The following PHF21B variants were observed in gnomAD, a reference collection of about 807,000 sequenced individuals.
PHF21B encodes PHD finger protein 4.
PHF21B carries 22 observed loss-of-function variants against 62.2 expected under a neutral mutation model. The observed-to-expected ratio is 0.35, with a 90% CI of 0.25 to 0.51. The LOEUF is 0.51. Among genes scored for constraint, PHF21B ranks in the 20% least tolerant of loss-of-function variants. The pLI is 0.97. For missense variants in PHF21B, 701 were observed against 707.9 expected, an observed-to-expected ratio of 0.99 and a Z score of 0.11; for synonymous variants, 341 against 314.7, an observed-to-expected ratio of 1.08 and a Z score of -0.88.
intron 2 of PHF21B, among the ~76,000 whole-genome samples, chr22:44,990,414 C>T (rs914213522): frequency 9.0e-6 from 1 of 111,404 alleles, no homozygotes; most frequent in Non-Finnish European, 1.9e-5. Flanking sequence ...GCAAGGCAAA[C>T]GTGCATTGAC....
intron 2 of PHF21B, among the ~76,000 whole-genome samples, chr22:44,974,410 A>T (rs1322996714): frequency 5.1e-5 from 6 of 117,936 alleles, no homozygotes; most frequent in African/African-American, 1.6e-4. Context: ...ACCCTGTCTT[A>T]AAAAAAAAAA....
intron 5 of PHF21B, among the ~76,000 whole-genome samples, chr22:44,901,347 G>C (rs748485440): frequency 6.6e-6 from 1 of 152,164 alleles, no homozygotes; most frequent in Non-Finnish European, 1.5e-5. Flanking sequence ...TCTCCTCCCC[G>C]AGTCCCCTCC....
At chr22:44,968,014 G>T (rs868632929) in intron 2 of PHF21B, among the ~76,000 whole-genome samples, 2 of 152,168 alleles carry the variant, frequency 1.3e-5, no homozygotes, top group African/African-American at 4.8e-5. Context: ...AGCGCATCTT[G>T]TCGACCTGGC....
intron 2 of PHF21B, among the ~76,000 whole-genome samples, chr22:44,969,719 G>A (rs1303586086): frequency 6.6e-6 from 1 of 152,136 alleles, no homozygotes; most frequent in East Asian, 1.9e-4. Flanking sequence ...TTGCAGATGA[G>A]GTGCGTGAAA....
intron 5 of PHF21B, among the ~76,000 whole-genome samples, chr22:44,903,917 A>G (rs746388574): frequency 1.1e-4 from 17 of 152,178 alleles, no homozygotes; most frequent in Non-Finnish European, 2.4e-4. Flanking sequence ...TAAAAGTAGG[A>G]AGATTTCATT....
At chr22:44,952,652 T>C (rs1389548344) in intron 2 of PHF21B, among the ~76,000 whole-genome samples, 1 of 152,236 alleles carries the variant, frequency 6.6e-6, no homozygotes, top group Admixed American at 6.5e-5. Flanking sequence ...TATTACTTTA[T>C]CCTTTACGAT....
chr22:44,935,986 G>C (rs546461680), intron 2 of PHF21B, among the ~76,000 whole-genome samples: 19 of 152,334 alleles, frequency 1.2e-4, no homozygotes, highest in Admixed American at 6.5e-4. Context: ...TGTTCTCTCT[G>C]CTGGGGTATT....
At chr22:44,899,927 A>T (rs1287254937) in intron 5 of PHF21B, among the ~76,000 whole-genome samples, 2 of 152,088 alleles carry the variant, frequency 1.3e-5, no homozygotes, top group African/African-American at 2.4e-5. Context: ...GTTTTTCAGC[A>T]AATCTCTTGG....
chr22:44,932,199 G>A (rs2071755418), intron 2 of PHF21B, among the ~76,000 whole-genome samples: 1 of 152,196 alleles, frequency 6.6e-6, no homozygotes, highest in Admixed American at 6.5e-5. Flanking sequence ...CTTTAAGAGG[G>A]GCCATGGGCT....
At chr22:44,903,130 A>G (rs1817458743) in intron 5 of PHF21B, among the ~76,000 whole-genome samples, 1 of 152,098 alleles carries the variant, frequency 6.6e-6, no homozygotes, top group Non-Finnish European at 1.5e-5. Flanking sequence ...ACTTTCTAAG[A>G]CCTGACAACA....
chr22:44,884,120 CATCATGATCACCATT>C (rs1200246869), intron 12 of PHF21B, among the ~76,000 whole-genome samples: 2 of 105,348 alleles, frequency 1.9e-5, no homozygotes, highest in East Asian at 2.5e-4. Context: ...GCACCATCAC[CATCATGATCACCATT>C]ATCACCACCA....
intron 2 of PHF21B, among the ~76,000 whole-genome samples, chr22:44,978,125 G>A (rs149381662): frequency 0.012 from 1,759 of 152,172 alleles, 27 homozygotes; most frequent in African/African-American, 0.041. Flanking sequence ...CCCAGGACAC[G>A]TGTGTAATAA....
chr22:44,893,383 C>T, intron 7 of PHF21B, 74 bp downstream of exon 7: 2 of 1,445,894 alleles, frequency 1.4e-6, no homozygotes, highest in Non-Finnish European at 1.9e-6. Flanking sequence ...GAGGGAGGCC[C>T]TGGGACTTTT....
intron 2 of PHF21B, among the ~76,000 whole-genome samples, chr22:44,986,661 A>G (rs947467631): frequency 6.6e-5 from 10 of 152,134 alleles, no homozygotes; most frequent in African/African-American, 2.4e-4. Context: ...TTGAGGCCAG[A>G]TAATAAAAGC....
chr22:44,893,576 C>T, intron 6 of PHF21B, 43 bp from the exon 7 acceptor site: 7 of 1,551,540 alleles, frequency 4.5e-6, no homozygotes, highest in Non-Finnish European at 6.1e-6. Context: ...CCTGCCTGCC[C>T]TGGGAACCCC....
chr22:44,946,478 G>A (rs1331399999), intron 2 of PHF21B, among the ~76,000 whole-genome samples: 1 of 152,092 alleles, frequency 6.6e-6, no homozygotes, highest in Non-Finnish European at 1.5e-5. Flanking sequence ...ATGGGAAAGA[G>A]GAAACACGGA....
intron 2 of PHF21B, among the ~76,000 whole-genome samples, chr22:44,935,427 A>C (rs1192743410): frequency 6.6e-6 from 1 of 152,112 alleles, no homozygotes; most frequent in Non-Finnish European, 1.5e-5. Context: ...ATCCTGGCTA[A>C]CACGGTGAAA....
intron 2 of PHF21B, among the ~76,000 whole-genome samples, chr22:44,963,953 T>A (rs2072474656): frequency 6.6e-6 from 1 of 152,198 alleles, no homozygotes; most frequent in African/African-American, 2.4e-5. Context: ...CAGAGGGCAC[T>A]CAGGGTCATC....
intron 2 of PHF21B, among the ~76,000 whole-genome samples, chr22:44,962,648 G>A (rs1413232831): frequency 2.0e-5 from 3 of 152,168 alleles, no homozygotes; most frequent in African/African-American, 7.2e-5. Context: ...CATCCTACTG[G>A]CTGTATTTCT....
Sources: allele counts gnomAD v4.1 joint callset (sites outside exome capture counted in the v4.1 genomes callset), GRCh38; gene constraint gnomAD v4.1.1; transcripts MANE v1.5; gene names NCBI Gene and HGNC (gene_info 2026-07-23, HGNC 2026-07-21).